The following SYNPO2 variants were observed in gnomAD, a reference collection of about 807,000 sequenced individuals.
The protein encoded by SYNPO2 is synaptopodin-2.
A neutral mutation model predicts 85.0 loss-of-function variants in SYNPO2; 56 were observed. The ratio of observed to expected loss-of-function variants is 0.66; its 90% CI spans 0.53 to 0.82. SYNPO2 has a LOEUF of 0.82. SYNPO2 is among the 40% of genes least tolerant of loss of function. SYNPO2 has a pLI of 0.00. For synonymous variants in SYNPO2, 602 were observed against 591.1 expected (o/e 1.02, Z -0.27); for missense variants, 1,575 against 1,534.2 (o/e 1.03, Z -0.44).
chr4:118,946,921 G>C (rs1478567609), intron 1 of SYNPO2, among the ~76,000 whole-genome samples: 1 of 152,136 alleles, frequency 6.6e-6, no homozygotes, highest in Non-Finnish European at 1.5e-5. Flanking sequence ...GGACTTTTGG[G>C]TCAAGCCCTT....
intron 1 of SYNPO2, among the ~76,000 whole-genome samples, chr4:118,963,489 T>C (rs1735183547): frequency 6.6e-6 from 1 of 152,222 alleles, no homozygotes. Flanking sequence ...GAAAAACTTA[T>C]TTTTAAGTCT....
At chr4:118,876,595 T>G (rs1320806289) in intron 1 of SYNPO2, among the ~76,000 whole-genome samples, 1 of 152,098 alleles carries the variant, frequency 6.6e-6, no homozygotes. Context: ...CAGATACTTT[T>G]CCTTCCCTCC....
rs563904782 is a variant in SYNPO2 at position 119,055,292 on chromosome 4, C to T, written c.3253-2109C>T. 9.9e-5 allele frequency among the ~76,000 whole-genome samples: 15 copies of T among 152,238 alleles called. No individual in the cohort carries two copies. The South Asian group carries it at 2.9e-3, about 29-fold the overall frequency. ...TCAGCCTCCTGAGTAGCAGGGATTA[C>T]AGGCCTATGCCATCACACCTTGGAG... is the stretch of plus-strand genomic sequence containing the variant. On this transcript the variant is annotated intron_variant, in intron 4 of 4. Coordinates refer to ENST00000307142, the MANE Select transcript of SYNPO2 (RefSeq NM_133477.3).
intron 1 of SYNPO2, among the ~76,000 whole-genome samples, chr4:118,941,841 G>A (rs1367372818): frequency 6.6e-6 from 1 of 152,210 alleles, no homozygotes; most frequent in Non-Finnish European, 1.5e-5. Context: ...AAAGAACGAG[G>A]GGAAGGCAGA....
intron 1 of SYNPO2, among the ~76,000 whole-genome samples, chr4:118,990,482 A>G (rs1283425098): frequency 1.3e-5 from 2 of 152,204 alleles, no homozygotes; most frequent in Non-Finnish European, 1.5e-5. Flanking sequence ...TGGGGATAAG[A>G]TGGTGAACAA....
intron 1 of SYNPO2, among the ~76,000 whole-genome samples, chr4:118,948,699 C>A (rs1734587806): frequency 6.6e-6 from 1 of 152,088 alleles, no homozygotes; most frequent in African/African-American, 2.4e-5. Flanking sequence ...TTTAAACAAC[C>A]AGCTCTTATG....
At chr4:118,878,188 G>A (rs111268685) in intron 1 of SYNPO2, among the ~76,000 whole-genome samples, 2,005 of 152,174 alleles carry the variant, frequency 0.013, 55 homozygotes, top group African/African-American at 0.046. Context: ...GGAAACAATA[G>A]ACATCAGGGC....
At chr4:118,943,320 A>T (rs1007367936) in intron 1 of SYNPO2, among the ~76,000 whole-genome samples, 2 of 152,220 alleles carry the variant, frequency 1.3e-5, no homozygotes, top group African/African-American at 4.8e-5. Flanking sequence ...ATTGCAAGCT[A>T]CAAGAGAGGG....
At chr4:118,921,804 T>C (rs963781787) in intron 1 of SYNPO2, among the ~76,000 whole-genome samples, 6 of 136,580 alleles carry the variant, frequency 4.4e-5, no homozygotes, top group East Asian at 2.1e-4. Flanking sequence ...CACACACACA[T>C]ACTCTTTTTT....
chr4:118,912,667 C>T (rs1001696672), intron 1 of SYNPO2, among the ~76,000 whole-genome samples: 3 of 152,198 alleles, frequency 2.0e-5, no homozygotes, highest in Middle Eastern at 3.4e-3. Context: ...TGGAACTTAT[C>T]TACCTGAAAG....
In SYNPO2 at chr4:119,030,776, A is replaced by G. The variant is rs2149190631; in HGVS notation, c.2001A>G (p.Ile667Met). The G allele has an allele frequency of 6.2e-7, 1 of 1,614,158 alleles. No homozygotes were observed. Among genetic ancestry groups the G allele is most frequent in the African/African-American group, 1.3e-5 (1 of 75,022 alleles). ...QPAFYDSSER[I>M]ASRDERISVP... ...CCTTTTACGATTCGTCTGAGCGAATAGCTTCCCGAGATGAGAGGATCTCAG... is the reference window on the plus strand; with the variant it reads ...CCTTTTACGATTCGTCTGAGCGAATGGCTTCCCGAGATGAGAGGATCTCAG... The change falls in exon 4 of 5, where the codon ATA becomes ATG. Residue 667 changes from isoleucine (I) to methionine (M), a missense_variant. Ile to Met is a conservative substitution (Grantham distance 10). Transcript: ENST00000307142.
At chr4:119,055,345 G>A (rs1739178765) in intron 4 of SYNPO2, among the ~76,000 whole-genome samples, 1 of 152,034 alleles carries the variant, frequency 6.6e-6, no homozygotes, top group African/African-American at 2.4e-5. Context: ...AGTAGAGATG[G>A]GGTTTCACCA....
intron 1 of SYNPO2, among the ~76,000 whole-genome samples, chr4:118,873,429 A>G (rs1197269133): frequency 2.6e-5 from 4 of 151,926 alleles, no homozygotes; most frequent in Non-Finnish European, 5.9e-5. Context: ...TTGTGGCTTT[A>G]ATTTGCATTT....
chr4:119,040,785 G>A (rs915339062), intron 4 of SYNPO2, among the ~76,000 whole-genome samples: 1 of 152,172 alleles, frequency 6.6e-6, no homozygotes, highest in Admixed American at 6.5e-5. Flanking sequence ...CTATCCCTGA[G>A]ACTACCCCAC....
intron 3 of SYNPO2, 116 bp from the exon 4 acceptor site, chr4:119,029,729 C>T: frequency 2.5e-6 from 3 of 1,177,698 alleles, no homozygotes; most frequent in Non-Finnish European, 3.4e-6. Context: ...ATTCTGTACT[C>T]AATGGCAATT....
intron 1 of SYNPO2, among the ~76,000 whole-genome samples, chr4:118,997,764 C>A (rs1736675071): frequency 6.6e-6 from 1 of 152,204 alleles, no homozygotes. Context: ...TGACTCTTTT[C>A]TAATTTCTAT....
At chr4:118,902,460 C>A (rs1270450929) in intron 1 of SYNPO2, among the ~76,000 whole-genome samples, 1 of 152,106 alleles carries the variant, frequency 6.6e-6, no homozygotes, top group African/African-American at 2.4e-5. Context: ...AAGGGGTTTC[C>A]CCTTATAAAA....
chr4:118,970,209 G>A (rs528392755), intron 1 of SYNPO2, among the ~76,000 whole-genome samples: 32 of 152,208 alleles, frequency 2.1e-4, no homozygotes, highest in African/African-American at 7.2e-4. Context: ...ACAATTATCT[G>A]TCAAATGCCT....
intron 1 of SYNPO2, among the ~76,000 whole-genome samples, chr4:118,955,163 G>C (rs933589894): frequency 6.6e-6 from 1 of 151,900 alleles, no homozygotes; most frequent in African/African-American, 2.4e-5. Context: ...CCACACCTGG[G>C]TAACGTTTGC....
Sources: allele counts gnomAD v4.1 joint callset (sites outside exome capture counted in the v4.1 genomes callset), GRCh38; gene constraint gnomAD v4.1.1; transcripts MANE v1.5; gene names NCBI Gene and HGNC (gene_info 2026-07-23, HGNC 2026-07-21).